The following TCF4 variants were observed in gnomAD, a reference collection of about 807,000 sequenced individuals.
TCF4 encodes the protein SL3-3 enhancer factor 2.
A neutral mutation model predicts 82.1 loss-of-function variants in TCF4; 3 were observed. The observed-to-expected ratio is 0.04, with a 90% CI of 0.02 to 0.09. The LOEUF (loss-of-function observed/expected upper bound fraction) is 0.09. TCF4 is among the 10% of genes least tolerant of loss of function. The pLI, the probability that TCF4 is intolerant of heterozygous loss-of-function variation, is 1.00. For synonymous variants in TCF4, 276 were observed against 309.6 expected (o/e 0.89, Z 1.14); for missense variants, 518 against 852.7 (o/e 0.61, Z 4.89).
rs60748072 is a variant in TCF4 at position 55,407,649 on chromosome 18, T to TAA, written c.305-4133_305-4132dup. ...GCAGGAAAGGCAAGCAACTTCCATA[T>TAA]AAAAAAAAAAAAAAAAAAGTCAATG... On this transcript the variant is annotated intron_variant, in intron 5 of 19. Transcript: ENST00000354452. Among the ~76,000 whole-genome samples the TAA allele has an allele frequency of 6.1e-4, 81 of 132,680 alleles. 1 individual carries two copies. The highest frequency in any genetic ancestry group is 2.9e-3 in the South Asian group (12 of 4,086). 87.0% of individuals were successfully genotyped at this position (132,680 alleles called of 152,430 possible).
chr18:55,301,920 C>A (rs1289547370), intron 8 of TCF4, among the ~76,000 whole-genome samples: 1 of 149,646 alleles, frequency 6.7e-6, no homozygotes, highest in African/African-American at 2.5e-5. Flanking sequence ...CTATTTATAT[C>A]TTTTCTAAGT....
chr18:55,322,397 G>C (rs2075804821), intron 8 of TCF4: 1 of 981,040 alleles, frequency 1.0e-6, no homozygotes, highest in East Asian at 8.5e-5. Flanking sequence ...AACTCGACTC[G>C]GAGAAAGGGG....
chr18:55,232,253 T>C (rs2048128542), intron 17 of TCF4: 7 of 457,912 alleles, frequency 1.5e-5, no homozygotes, highest in Non-Finnish European at 2.8e-5. Flanking sequence ...AAACTGTACT[T>C]GAATCAGAGA....
intron 8 of TCF4, among the ~76,000 whole-genome samples, chr18:55,281,983 T>C (rs755272259): frequency 2.1e-4 from 32 of 152,046 alleles, no homozygotes; most frequent in Non-Finnish European, 4.3e-4. Context: ...ACTTTTTAGA[T>C]AACATGAAAC....
intron 3 of TCF4, among the ~76,000 whole-genome samples, chr18:55,505,253 G>A (rs566267268): frequency 5.3e-5 from 8 of 152,202 alleles, no homozygotes; most frequent in African/African-American, 9.6e-5. Context: ...GAAAATTATG[G>A]AATCCTTCTC....
chr18:55,595,265 A>G (rs966344368), intron 2 of TCF4, among the ~76,000 whole-genome samples: 1 of 152,246 alleles, frequency 6.6e-6, no homozygotes, highest in Non-Finnish European at 1.5e-5. Flanking sequence ...ACCTAAAAGT[A>G]GGAAAAATCA....
At chr18:55,531,918 T>C (rs1462625016) in intron 3 of TCF4, among the ~76,000 whole-genome samples, 1 of 152,208 alleles carries the variant, frequency 6.6e-6, no homozygotes, top group Admixed American at 6.5e-5. Context: ...CATATCTGTT[T>C]AGAAATTTTT....
intron 5 of TCF4, among the ~76,000 whole-genome samples, chr18:55,459,581 G>A (rs1377140534): frequency 6.6e-6 from 1 of 152,136 alleles, no homozygotes; most frequent in Admixed American, 6.5e-5. Flanking sequence ...GTGGTTGTGT[G>A]GAGATGAATA....
At chr18:55,426,283 G>A (rs1028348600) in intron 5 of TCF4, among the ~76,000 whole-genome samples, 31 of 152,174 alleles carry the variant, frequency 2.0e-4, no homozygotes, top group Admixed American at 1.8e-3. Flanking sequence ...CCCTAGGGAG[G>A]CAGAAGAAAG....
At chr18:55,338,040 C>T (rs1473407392) in intron 8 of TCF4, among the ~76,000 whole-genome samples, 1 of 152,122 alleles carries the variant, frequency 6.6e-6, no homozygotes, top group Non-Finnish European at 1.5e-5. Context: ...ATCAGTCTCG[C>T]TGCTGCCAAG....
chr18:55,587,193 C>CA (rs2097657113), intron 1 of TCF4, 57 bp from the exon 2 acceptor site: 2 of 998,910 alleles, frequency 2.0e-6, no homozygotes, highest in Admixed American at 5.5e-5. Flanking sequence ...TTGGAGAAAA[C>CA]ACAATCGGAT....
rs567697923 is a variant in TCF4, at chr18:55,223,374, T to C, written c.*4661A>G. The C allele has an allele frequency of 2.0e-5, 3 of 152,784 alleles. No homozygotes were observed. The highest frequency in any genetic ancestry group is 1.9e-4 in the East Asian group (1 of 5,190). 9.5% of individuals were successfully genotyped at this position (152,784 alleles called of 1,614,324 possible). The stretch of plus-strand genomic sequence containing the variant: ...CCTCCAACACTTGGAAAATGAAATA[T>C]AGATGCGTTTTACTTACAGAAGAGA... On this transcript the variant is annotated 3_prime_UTR_variant, in exon 20 of 20. Coordinates refer to ENST00000354452, the MANE Select transcript of TCF4 (RefSeq NM_001083962.2).
intron 8 of TCF4, among the ~76,000 whole-genome samples, chr18:55,330,143 G>A (rs1489401600): frequency 1.3e-5 from 2 of 151,658 alleles, no homozygotes; most frequent in Admixed American, 1.3e-4. Context: ...TTTGTACATG[G>A]GCTGTGACCT....
At chr18:55,292,637 C>T (rs944634852) in intron 8 of TCF4, among the ~76,000 whole-genome samples, 3 of 151,998 alleles carry the variant, frequency 2.0e-5, no homozygotes, top group African/African-American at 7.2e-5. Flanking sequence ...TCTTTGTTTA[C>T]ATAATTAGGA....
chr18:55,575,688 CTAAGT>C (rs1191998083), intron 3 of TCF4, among the ~76,000 whole-genome samples: 11 of 151,960 alleles, frequency 7.2e-5, no homozygotes, highest in African/African-American at 2.4e-4. Flanking sequence ...GACACACATG[CTAAGT>C]TAAGATACTT....
upstream of TCF4, chr18:55,588,681 T>G: frequency 2.3e-6 from 3 of 1,331,822 alleles, no homozygotes; most frequent in Non-Finnish European, 2.9e-6. Context: ...AAAAAGACTT[T>G]GCCAAGAGGA....
intron 7 of TCF4, 68 bp from the exon 8 acceptor site, chr18:55,350,476 CAA>C: frequency 6.6e-7 from 1 of 1,522,068 alleles, no homozygotes; most frequent in Non-Finnish European, 9.1e-7. Flanking sequence ...GGTTAAACCA[CAA>C]AGACTTCTAG....
At chr18:55,401,300 T>C in intron 6 of TCF4, 1 of 1,183,040 alleles carries the variant, frequency 8.5e-7, no homozygotes, top group Non-Finnish European at 1.1e-6. Flanking sequence ...GTAATCACAC[T>C]GTTTATGGAG....
At chr18:55,546,730 A>G (rs556513841) in intron 3 of TCF4, 18 of 152,360 alleles carry the variant, frequency 1.2e-4, no homozygotes, top group African/African-American at 4.3e-4. Context: ...AGGTGAGAAA[A>G]ATAATAAATT....
Sources: gnomAD v4.1 joint callset for allele counts (sites outside exome capture counted in the v4.1 genomes callset) on GRCh38, gnomAD v4.1.1 for gene constraint, MANE v1.5 for transcripts, NCBI Gene and HGNC (gene_info 2026-07-23, HGNC 2026-07-21) for gene names.